Variants in DISC1 observed in about 807,000 individuals in gnomAD.
DISC1 encodes disrupted in schizophrenia 1 protein.
Under a neutral mutation model 84.5 loss-of-function variants are expected in DISC1, and 57 were observed. The observed-to-expected ratio is 0.67, with a 90% CI of 0.55 to 0.84. The LOEUF is 0.84. Ranked by LOEUF, DISC1 falls within the 40% of genes least tolerant of loss-of-function variation. DISC1 has a pLI of 0.00. For synonymous variants in DISC1, 411 were observed against 415.2 expected, an observed-to-expected ratio of 0.99 and a Z score of 0.12; for missense variants, 1,000 against 1,057.8, an observed-to-expected ratio of 0.95 and a Z score of 0.76.
chr1:231,744,507 C>T (rs1234183526), intron 3 of DISC1, among the ~76,000 whole-genome samples: 1 of 152,106 alleles, frequency 6.6e-6, no homozygotes, highest in Non-Finnish European at 1.5e-5. Context: ...CAGTTTGATA[C>T]CAACACTTTA....
At position 231,897,604 on chromosome 1, in the gene DISC1, G is replaced by C. The variant is rs938902538; in HGVS notation, c.1982-61224G>C. On this transcript the variant is annotated intron_variant, in intron 9 of 12. Coordinates refer to ENST00000439617, the MANE Select transcript of DISC1 (RefSeq NM_018662.3). The surrounding 1 kb of genome is among the most constrained non-coding windows in gnomAD (Gnocchi z 4.5). ...CAGCATTTTACAGCCATTTATTGTA[G>C]AGTCTGTTGCTTTGGGCTGCTGTCA... Among the ~76,000 whole-genome samples the C allele has an allele frequency of 6.6e-5, 10 of 151,964 alleles. No individual in the cohort carries two copies. Among genetic ancestry groups the C allele is most frequent in the Admixed American group, 2.0e-4 (3 of 15,258 alleles).
intron 10 of DISC1, among the ~76,000 whole-genome samples, chr1:232,005,234 T>G (rs1227348281): frequency 6.6e-6 from 1 of 152,026 alleles, no homozygotes; most frequent in Non-Finnish European, 1.5e-5. Flanking sequence ...ATAAAATACT[T>G]CTTGTACACA....
intron 9 of DISC1, among the ~76,000 whole-genome samples, chr1:231,894,583 A>G (rs1367974565): frequency 6.6e-6 from 1 of 151,930 alleles, no homozygotes; most frequent in Non-Finnish European, 1.5e-5. Flanking sequence ...TTTTCTTCTA[A>G]TTTAAAAAGT....
At chr1:231,749,844 A>C in intron 3 of DISC1, 82 bp from the exon 4 acceptor site, 1 of 1,589,408 alleles carries the variant, frequency 6.3e-7, no homozygotes, top group Non-Finnish European at 8.6e-7. Flanking sequence ...GTTCACTACA[A>C]CTGGAGCTAA....
At chr1:231,902,338 T>TA (rs2088244902) in intron 9 of DISC1, among the ~76,000 whole-genome samples, 1 of 152,104 alleles carries the variant, frequency 6.6e-6, no homozygotes, top group Admixed American at 6.6e-5. Flanking sequence ...ATTATTATTA[T>TA]AAAAATAATA....
intron 10 of DISC1, among the ~76,000 whole-genome samples, chr1:231,978,797 T>C (rs1663182515): frequency 6.6e-6 from 1 of 152,232 alleles, no homozygotes; most frequent in Non-Finnish European, 1.5e-5. Context: ...ATCAAATCAG[T>C]GTTTACTCCA....
At chr1:232,028,722 T>G (rs541746459) in intron 12 of DISC1, among the ~76,000 whole-genome samples, 1 of 152,326 alleles carries the variant, frequency 6.6e-6, no homozygotes, top group African/African-American at 2.4e-5. Context: ...AGTCCATTTG[T>G]CTCACAGTTC....
chr1:232,008,867 G>A lies in DISC1; in HGVS notation c.2125G>A (p.Glu709Lys), dbSNP rs1476611302. ...RLLIQSLQLQ[E>K]ARGSLSVEDE... ...GCTTATCCAGAGCCTACAGCTCCAG[G>A]AAGCCAGGGGAAGCCTGTCTGTAGA... Residue 709 changes from glutamate to lysine, a missense_variant, in exon 11 of 13, where the codon GAA (glutamate) becomes AAA (lysine). Physicochemically the swap from Glu to Lys is moderately conservative, Grantham distance 56 (BLOSUM62 1). Coordinates refer to ENST00000439617, the MANE Select transcript of DISC1 (RefSeq NM_018662.3). 2.5e-6 allele frequency: 4 copies of A among 1,613,404 alleles called. No individual in the cohort carries two copies. Among genetic ancestry groups the A allele is most frequent in the Non-Finnish European group, 3.4e-6 (4 of 1,179,672 alleles).
In DISC1 at chr1:231,818,780, A is replaced by G. The variant is rs1435407815; in HGVS notation, c.1981+263A>G. On this transcript the variant is annotated intron_variant, in intron 9 of 12. Transcript: ENST00000439617. ...ACCTGTGTTTGCTAATAGCCTTGTTATTATTTAGAGCAGTCTCTCCCTTGG... is the reference window on the plus strand; with the variant it reads ...ACCTGTGTTTGCTAATAGCCTTGTTGTTATTTAGAGCAGTCTCTCCCTTGG... The G allele has an allele frequency of 3.0e-6, 4 of 1,311,728 alleles. No homozygotes were observed. In the African/African-American group the frequency reaches 4.5e-5, roughly 15 times the overall value. 81.3% of individuals were successfully genotyped at this position (1,311,728 alleles called of 1,614,324 possible).
intron 4 of DISC1, among the ~76,000 whole-genome samples, chr1:231,759,543 AAAAAAAAAC>A (rs2075447775): frequency 2.7e-5 from 4 of 150,004 alleles, no homozygotes; most frequent in Admixed American, 1.3e-4. Flanking sequence ...AAAAAAAAAA[AAAAAAAAAC>A]AAAACTAGCC....
At chr1:231,929,760 A>G (rs1400785788) in intron 9 of DISC1, among the ~76,000 whole-genome samples, 1 of 152,246 alleles carries the variant, frequency 6.6e-6, no homozygotes, top group Admixed American at 6.5e-5. Context: ...ATAGGAAGAA[A>G]GAAACAAATG....
chr1:231,876,430 T>G (rs1172687707), intron 9 of DISC1, among the ~76,000 whole-genome samples: 3 of 152,186 alleles, frequency 2.0e-5, no homozygotes, highest in Non-Finnish European at 2.9e-5. Flanking sequence ...ATTAAACCTC[T>G]CTTTTTAATA....
At chr1:231,844,984 T>A (rs2083351434) in intron 9 of DISC1, among the ~76,000 whole-genome samples, 1 of 150,500 alleles carries the variant, frequency 6.6e-6, no homozygotes, top group Non-Finnish European at 1.5e-5. Flanking sequence ...TAAGAAGGAA[T>A]GTCTGGGTTT....
At chr1:231,891,797 C>T (rs1235100800) in intron 9 of DISC1, among the ~76,000 whole-genome samples, 1 of 152,166 alleles carries the variant, frequency 6.6e-6, no homozygotes, top group Non-Finnish European at 1.5e-5. Context: ...ACTATTTCTT[C>T]CTGGTAGAAA....
intron 3 of DISC1, among the ~76,000 whole-genome samples, chr1:231,727,381 G>T (rs1044450181): frequency 1.3e-5 from 2 of 152,168 alleles, no homozygotes; most frequent in Non-Finnish European, 2.9e-5. Context: ...GATGCCTGGG[G>T]CCCTAAAGGG....
intron 3 of DISC1, among the ~76,000 whole-genome samples, chr1:231,711,707 T>A (rs2067872123): frequency 2.0e-5 from 3 of 152,108 alleles, no homozygotes; most frequent in Admixed American, 1.3e-4. Flanking sequence ...CAAATTAACC[T>A]AGTACCAGCT....
At chr1:231,792,745 A>G (rs933808270) in intron 6 of DISC1, among the ~76,000 whole-genome samples, 8 of 152,256 alleles carry the variant, frequency 5.3e-5, no homozygotes, top group Non-Finnish European at 1.0e-4. Flanking sequence ...AAGTGGTTTC[A>G]TCTGCCCCAA....
chr1:231,806,083 A>G (rs2079683677), intron 8 of DISC1, among the ~76,000 whole-genome samples: 1 of 152,242 alleles, frequency 6.6e-6, no homozygotes, highest in South Asian at 2.1e-4. Flanking sequence ...GTAAGAATTA[A>G]GTGAGGTAGT....
At chr1:231,876,221 G>A (rs965595970) in intron 9 of DISC1, among the ~76,000 whole-genome samples, 1 of 152,132 alleles carries the variant, frequency 6.6e-6, no homozygotes, top group African/African-American at 2.4e-5. Context: ...CTGTCCTCAC[G>A]ATAGTGAGTT....
Sources: allele counts gnomAD v4.1 joint callset (sites outside exome capture counted in the v4.1 genomes callset), GRCh38; gene constraint gnomAD v4.1.1; non-coding constraint Gnocchi (gnomAD v3.1); transcripts MANE v1.5; gene names NCBI Gene and HGNC (gene_info 2026-07-23, HGNC 2026-07-21).